The following ZFYVE28 variants were observed in gnomAD, a reference collection of about 807,000 sequenced individuals.
The protein encoded by ZFYVE28 is zinc finger FYVE-type containing 28, also known as lateral signaling target protein 2 homolog.
ZFYVE28 carries 40 observed loss-of-function variants against 82.1 expected under a neutral mutation model. The ratio of observed to expected loss-of-function variants is 0.49; its 90% CI spans 0.38 to 0.63. The LOEUF (loss-of-function observed/expected upper bound fraction) is 0.63. Among genes scored for constraint, ZFYVE28 ranks in the 30% least tolerant of loss-of-function variants. The pLI is 0.00. For missense variants in ZFYVE28, 1,321 were observed against 1,242.1 expected (o/e 1.06, Z -0.96); for synonymous variants, 612 against 546.1 (o/e 1.12, Z -1.68).
intron 8 of ZFYVE28, among the ~76,000 whole-genome samples, chr4:2,284,123 A>G (rs567498422): frequency 3.3e-5 from 5 of 152,324 alleles, no homozygotes; most frequent in African/African-American, 7.2e-5. Context: ...ATTGACATCA[A>G]TCGACAGCTC....
At chr4:2,318,526 G>A (rs950039704) in intron 7 of ZFYVE28, among the ~76,000 whole-genome samples, 1 of 152,222 alleles carries the variant, frequency 6.6e-6, no homozygotes, top group African/African-American at 2.4e-5. Flanking sequence ...CACTACACGT[G>A]GACAGTAACG....
At chr4:2,405,585 G>A (rs1000103893) in intron 1 of ZFYVE28, among the ~76,000 whole-genome samples, 1 of 152,218 alleles carries the variant, frequency 6.6e-6, no homozygotes, top group Non-Finnish European at 1.5e-5. Context: ...AGGCCAGGAA[G>A]CCTTCCCTAG....
intron 4 of ZFYVE28, 123 bp from the exon 5 acceptor site, chr4:2,337,619 C>A (rs563899745): frequency 4.3e-6 from 3 of 697,094 alleles, no homozygotes; most frequent in Non-Finnish European, 2.4e-6. Flanking sequence ...GGGGGCCTCA[C>A]GCCTGTAATC....
rs529898818 is a variant in ZFYVE28 at position 2,408,333 on chromosome 4, G to A, written c.39+9952C>T. Among the ~76,000 whole-genome samples, 13 of 152,210 alleles carry A rather than the reference G, an allele frequency of 8.5e-5. No homozygotes were observed. Among genetic ancestry groups the A allele is most frequent in the South Asian group, 4.2e-4 (2 of 4,808 alleles). ...ATGTGACTCTGCTACTCCCCGCACC[G>A]AGAAGTGGAGGTGACAGCCCCCCCC... On this transcript the variant is annotated intron_variant, in intron 1 of 12. Transcript: ENST00000290974. This position sits in a 1 kb window ranked among gnomAD's most constrained non-coding sequence, Gnocchi z 4.3.
intron 1 of ZFYVE28, among the ~76,000 whole-genome samples, chr4:2,367,084 C>A (rs1175891075): frequency 6.6e-6 from 1 of 152,188 alleles, no homozygotes; most frequent in Non-Finnish European, 1.5e-5. Flanking sequence ...GCAGTGGGAT[C>A]ATAAAGAAAC....
chr4:2,271,847 C>T lies in ZFYVE28; in HGVS notation c.2324-68G>A. ...GGCAATTGATGCAGGGTCACCTGCA[C>T]TTGCTGGGCACAGCTGGGGGCTTCC... is the stretch of plus-strand genomic sequence containing the variant. On this transcript the variant is annotated intron_variant, in intron 10 of 12. Coordinates refer to ENST00000290974, the MANE Select transcript of ZFYVE28 (RefSeq NM_020972.3). 25 of 1,422,210 alleles carry T rather than the reference C, an allele frequency of 1.8e-5. No individual in the cohort carries two copies. In the South Asian group the frequency reaches 2.9e-4, roughly 16 times the overall value. 88.1% of individuals were successfully genotyped at this position (1,422,210 alleles called of 1,614,324 possible). A position where few individuals can be genotyped will look rare whatever the true frequency, so the allele number is the denominator to read the frequency against.
At chr4:2,396,958 C>T (rs1436449653) in intron 1 of ZFYVE28, among the ~76,000 whole-genome samples, 2 of 152,296 alleles carry the variant, frequency 1.3e-5, no homozygotes, top group East Asian at 3.9e-4. Flanking sequence ...ACTCTGGCTG[C>T]TGTGCCGAGA....
intron 1 of ZFYVE28, among the ~76,000 whole-genome samples, chr4:2,356,249 C>T (rs954480304): frequency 6.6e-6 from 1 of 152,202 alleles, no homozygotes; most frequent in Non-Finnish European, 1.5e-5. Context: ...GAGACCTGGG[C>T]AGCCAATGGG....
chr4:2,276,113 C>T (rs535359590), intron 8 of ZFYVE28, among the ~76,000 whole-genome samples: 1 of 152,218 alleles, frequency 6.6e-6, no homozygotes, highest in East Asian at 1.9e-4. Context: ...GCGTGGCGCA[C>T]GTGAGAATTC....
intron 6 of ZFYVE28, among the ~76,000 whole-genome samples, chr4:2,327,654 G>A (rs769993030): frequency 8.6e-5 from 13 of 152,038 alleles, no homozygotes; most frequent in Non-Finnish European, 1.9e-4. Context: ...ATAAAATGAT[G>A]TTGAATTTTA....
At chr4:2,412,862 C>T (rs1732662096) in intron 1 of ZFYVE28, among the ~76,000 whole-genome samples, 1 of 152,196 alleles carries the variant, frequency 6.6e-6, no homozygotes, top group African/African-American at 2.4e-5. Flanking sequence ...ACAAAATGAC[C>T]TAAAGACACT....
At chr4:2,271,582 C>G in intron 11 of ZFYVE28, 93 bp downstream of exon 11, 1 of 1,478,026 alleles carries the variant, frequency 6.8e-7, no homozygotes, top group South Asian at 1.2e-5. Flanking sequence ...ACAGGGTGGC[C>G]TGCAGCCCCT....
At chr4:2,303,014 A>G (rs1314540956) in intron 8 of ZFYVE28, among the ~76,000 whole-genome samples, 2 of 152,186 alleles carry the variant, frequency 1.3e-5, no homozygotes, top group East Asian at 3.8e-4. Context: ...CTGTACGTGA[A>G]TGTGTTAACA....
At chr4:2,329,212 A>G (rs1720319177) in intron 6 of ZFYVE28, 1 of 622,696 alleles carries the variant, frequency 1.6e-6, no homozygotes, top group South Asian at 1.8e-5. Flanking sequence ...TTTATGGAGT[A>G]TTGCCATTCT....
At chr4:2,273,443 G>C (rs1000979573) in intron 9 of ZFYVE28, among the ~76,000 whole-genome samples, 154 bp from the exon 10 acceptor site, 4 of 152,192 alleles carry the variant, frequency 2.6e-5, no homozygotes, top group South Asian at 4.1e-4. Context: ...CAACCCCTTG[G>C]GGGAGGATTC....
At position 2,332,729 on chromosome 4, in the gene ZFYVE28, G is replaced by A. The variant is rs1720909549; in HGVS notation, c.701+2976C>T. On this transcript the variant is annotated intron_variant, in intron 6 of 12. Coordinates refer to ENST00000290974, the MANE Select transcript of ZFYVE28 (RefSeq NM_020972.3). This position sits in a 1 kb window ranked among gnomAD's most constrained non-coding sequence, Gnocchi z 4.7. Reference sequence around the variant, plus strand: ...GAACAAGACGGGATCCGCTGGTGGTGCAGGGCTGCAGGGCCCCAGTGAGCA... The same window carrying A: ...GAACAAGACGGGATCCGCTGGTGGTACAGGGCTGCAGGGCCCCAGTGAGCA... Among the ~76,000 whole-genome samples the A allele has an allele frequency of 6.6e-6, 1 of 152,154 alleles. No homozygotes were observed. The highest frequency in any genetic ancestry group is 2.1e-4 in the South Asian group (1 of 4,836).
In ZFYVE28 at chr4:2,270,403, C is replaced by T; in HGVS notation, c.*322G>A. The T allele has an allele frequency of 2.5e-6, 1 of 396,996 alleles. No homozygotes were observed. The highest frequency in any genetic ancestry group is 2.6e-5 in the South Asian group (1 of 38,366). The allele number at this position is 396,996 out of a possible 1,614,324, so 24.6% of individuals were successfully genotyped here. A position where few individuals can be genotyped will look rare whatever the true frequency, so the allele number is the denominator to read the frequency against. ...CCACCTCCATCACCCGCCCCGATTCCCATAGCCCCAGCAGATCTCCGAGGG... is the reference window on the plus strand; with the variant it reads ...CCACCTCCATCACCCGCCCCGATTCTCATAGCCCCAGCAGATCTCCGAGGG... On this transcript the variant is annotated 3_prime_UTR_variant, in exon 13 of 13. Transcript: ENST00000290974.
Position 2,300,355 on chromosome 4 carries a change from A to C in ZFYVE28, c.2051+3934T>G, listed in dbSNP as rs1376766636. The stretch of plus-strand genomic sequence containing the variant: ...TGAAGGGAAAATAAGCTTTTAAAAA[A>C]TGTCAACTTCTCCAAAAGGATTCAT... On this transcript the variant is annotated intron_variant, in intron 8 of 12. Transcript: ENST00000290974. This position sits in a 1 kb window ranked among gnomAD's most constrained non-coding sequence, Gnocchi z 4.6. Among the ~76,000 whole-genome samples the C allele has an allele frequency of 6.6e-6, 1 of 152,234 alleles. No individual in the cohort carries two copies. The highest frequency in any genetic ancestry group is 1.5e-5 in the Non-Finnish European group (1 of 68,038).
chr4:2,361,959 C>G (rs1272288419), intron 1 of ZFYVE28, among the ~76,000 whole-genome samples: 2 of 152,122 alleles, frequency 1.3e-5, no homozygotes, highest in African/African-American at 4.8e-5. Context: ...CCAGAGAGGA[C>G]CAGCCCCGCC....
Sources: allele counts gnomAD v4.1 joint callset (sites outside exome capture counted in the v4.1 genomes callset), GRCh38; gene constraint gnomAD v4.1.1; non-coding constraint Gnocchi (gnomAD v3.1); transcripts MANE v1.5; gene names NCBI Gene and HGNC (gene_info 2026-07-23, HGNC 2026-07-21).